HDAC9: variants seen among roughly 807,000 people sequenced by gnomAD.
HDAC9 encodes MEF-2 interacting transcription repressor (MITR) protein.
A neutral mutation model predicts 139.4 loss-of-function variants in HDAC9; 41 were observed. The ratio of observed to expected loss-of-function variants is 0.29; its 90% CI spans 0.23 to 0.38. HDAC9 has a LOEUF of 0.38. HDAC9 is among the 10% of genes least tolerant of loss of function. The probability of loss-of-function intolerance (pLI) is 1.00; values close to 1 mark genes in which losing one functional copy is unlikely to be tolerated. For synonymous variants in HDAC9, 517 were observed against 476.2 expected (o/e 1.09, Z -1.12); for missense variants, 1,147 against 1,297.0 (o/e 0.88, Z 1.78).
chr7:18,261,813 A>G (rs302192), intron 2 of HDAC9, among the ~76,000 whole-genome samples: 120,226 of 152,204 alleles, frequency 0.79, 47,608 homozygotes, highest in South Asian at 0.87. Context: ...ATAAATGGGC[A>G]AGGACACTTT....
intron 6 of HDAC9, among the ~76,000 whole-genome samples, chr7:18,615,021 A>C (rs559513930): frequency 1.8e-4 from 28 of 152,264 alleles, no homozygotes; most frequent in African/African-American, 6.7e-4. Context: ...ATTGTACATA[A>C]TTCTCTTCTA....
intron 1 of HDAC9, among the ~76,000 whole-genome samples, chr7:18,144,602 ATTTT>A (rs551151372): frequency 6.6e-6 from 1 of 150,806 alleles, no homozygotes; most frequent in Non-Finnish European, 1.5e-5. Context: ...AGACCACCAT[ATTTT>A]TTTTTCCCTA....
chr7:18,202,772 G>C (rs1417664855), intron 2 of HDAC9, among the ~76,000 whole-genome samples: 1 of 152,158 alleles, frequency 6.6e-6, no homozygotes, highest in African/African-American at 2.4e-5. Context: ...TGTTATAGTG[G>C]AACCTGAGAG....
chr7:18,601,934 C>T (rs756259118), intron 6 of HDAC9, among the ~76,000 whole-genome samples: 1 of 152,042 alleles, frequency 6.6e-6, no homozygotes, highest in Non-Finnish European at 1.5e-5. Flanking sequence ...CTATCTATTC[C>T]TATAATGTCT....
At chr7:18,732,083 CTCCCA>C (rs1404137377) in intron 13 of HDAC9, among the ~76,000 whole-genome samples, 1 of 152,192 alleles carries the variant, frequency 6.6e-6, no homozygotes. Flanking sequence ...TGGTCTCCAA[CTCCCA>C]ACCTCAGGTG....
At chr7:18,886,397 G>T (rs1477161790) in intron 22 of HDAC9, among the ~76,000 whole-genome samples, 1 of 152,172 alleles carries the variant, frequency 6.6e-6, no homozygotes, top group South Asian at 2.1e-4. Flanking sequence ...AGCAGAGTTT[G>T]CCCCAGAGGA....
At chr7:18,634,820 T>C in intron 8 of HDAC9, 78 bp downstream of exon 8, 1 of 837,698 alleles carries the variant, frequency 1.2e-6, no homozygotes, top group Non-Finnish European at 2.0e-6. Context: ...TATTTCTGAG[T>C]TGACCTTCAA....
intron 1 of HDAC9, among the ~76,000 whole-genome samples, chr7:18,387,431 A>C (rs371184134): frequency 1.3e-5 from 2 of 152,240 alleles, no homozygotes; most frequent in East Asian, 3.8e-4. Flanking sequence ...AGCTTTCTCC[A>C]AATTGCCTGT....
intron 2 of HDAC9, among the ~76,000 whole-genome samples, chr7:18,556,715 A>C (rs1457825742): frequency 6.6e-5 from 10 of 152,022 alleles, no homozygotes; most frequent in Non-Finnish European, 1.5e-4. Context: ...TAACTCAATA[A>C]AACTTCTGTT....
intron 2 of HDAC9, among the ~76,000 whole-genome samples, chr7:18,166,181 T>G (rs1377761981): frequency 6.6e-6 from 1 of 152,208 alleles, no homozygotes; most frequent in African/African-American, 2.4e-5. Context: ...CCTGTTGCCC[T>G]TAGAATTGTG....
rs1207880903 is a variant in HDAC9 at position 18,547,860 on chromosome 7, C to CTT, written c.23-37421_23-37420insTT. 3.3e-3 allele frequency among the ~76,000 whole-genome samples: 403 copies of CTT among 123,406 alleles called. 5 individuals are homozygous for CTT. The highest frequency in any genetic ancestry group is 9.9e-3 in the African/African-American group (318 of 31,974). 81.0% of individuals were successfully genotyped at this position (123,406 alleles called of 152,430 possible). A position where few individuals can be genotyped will look rare whatever the true frequency, so the allele number is the denominator to read the frequency against. On this transcript the variant is annotated intron_variant, in intron 2 of 25. Coordinates refer to ENST00000686413, the MANE Select transcript of HDAC9 (RefSeq NM_178425.4). The stretch of plus-strand genomic sequence containing the variant: ...CCTTCCTTCCTTCCTTCCTTCCTAC[C>CTT]CTCCCTCCCTCCCTCCCTCCCTCTC...
chr7:18,840,201 C>T (rs1268924166), intron 21 of HDAC9, among the ~76,000 whole-genome samples: 1 of 152,020 alleles, frequency 6.6e-6, no homozygotes, highest in African/African-American at 2.4e-5. Flanking sequence ...TGAGGACTAG[C>T]TAAAGAAAGG....
At chr7:18,749,246 C>T in intron 14 of HDAC9, 108 bp downstream of exon 14, 2 of 1,138,018 alleles carry the variant, frequency 1.8e-6, no homozygotes, top group African/African-American at 3.1e-5. Context: ...AGTGCAAACA[C>T]CATGATTGAT....
intron 2 of HDAC9, among the ~76,000 whole-genome samples, chr7:18,508,255 C>T (rs879943111): frequency 2.0e-5 from 3 of 152,134 alleles, no homozygotes; most frequent in Non-Finnish European, 2.9e-5. Flanking sequence ...TAAGTGAAGG[C>T]TTTTGAGTCT....
intron 1 of HDAC9, among the ~76,000 whole-genome samples, chr7:18,339,254 T>C (rs1351353681): frequency 6.6e-6 from 1 of 151,468 alleles, no homozygotes; most frequent in East Asian, 1.9e-4. Context: ...TTCTACTTTC[T>C]ATTTTACTGA....
intron 13 of HDAC9, among the ~76,000 whole-genome samples, chr7:18,747,654 G>A (rs1486292695): frequency 6.6e-6 from 1 of 152,256 alleles, no homozygotes; most frequent in East Asian, 1.9e-4. Context: ...TCATAAGGGA[G>A]GTCAGTCCTG....
chr7:18,419,453 A>G (rs189909711), intron 1 of HDAC9, among the ~76,000 whole-genome samples: 1 of 152,306 alleles, frequency 6.6e-6, no homozygotes, highest in East Asian at 1.9e-4. Flanking sequence ...GAGTCAGGCA[A>G]AGACTGTGCT....
Position 18,997,560 on chromosome 7 carries a change from A to G in HDAC9, c.*1498A>G, listed in dbSNP as rs1285222010. Reference sequence around the variant, plus strand: ...TCTTTTTATATATTTTTCTAACTCAAAGGATATATTAAAGCCATAAGTGAA... The same window carrying G: ...TCTTTTTATATATTTTTCTAACTCAGAGGATATATTAAAGCCATAAGTGAA... On this transcript the variant is annotated 3_prime_UTR_variant, in exon 26 of 26. Coordinates refer to ENST00000686413, the MANE Select transcript of HDAC9 (RefSeq NM_178425.4). 6.6e-6 allele frequency: 1 copy of G among 152,096 alleles called. No individual in the cohort carries two copies. The highest frequency in any genetic ancestry group is 1.5e-5 in the Non-Finnish European group (1 of 68,000). 9.4% of individuals were successfully genotyped at this position (152,096 alleles called of 1,614,324 possible).
At chr7:18,851,614 A>G (rs73320004) in intron 21 of HDAC9, among the ~76,000 whole-genome samples, 3,651 of 152,222 alleles carry the variant, frequency 0.024, 153 homozygotes, top group African/African-American at 0.081. Context: ...ATCGTCTTTT[A>G]TTTGCCTTCC....
Sources: allele counts gnomAD v4.1 joint callset (sites outside exome capture counted in the v4.1 genomes callset), GRCh38; gene constraint gnomAD v4.1.1; transcripts MANE v1.5; gene names NCBI Gene and HGNC (gene_info 2026-07-23, HGNC 2026-07-21).